Variants in CORO2B observed in about 807,000 individuals in gnomAD.
The protein encoded by CORO2B is coronin-2B.
A neutral mutation model predicts 58.8 loss-of-function variants in CORO2B; 26 were observed. The ratio of observed to expected loss-of-function variants is 0.44; its 90% CI spans 0.32 to 0.61. The LOEUF (loss-of-function observed/expected upper bound fraction) is 0.61. Among genes scored for constraint, CORO2B ranks in the 20% least tolerant of loss-of-function variants. CORO2B has a pLI of 0.04. For missense variants in CORO2B, 460 were observed against 645.1 expected (o/e 0.71, Z 3.11); for synonymous variants, 242 against 253.8 (o/e 0.95, Z 0.44).
At chr15:68,563,203 A>T in the CORO2B span, among the ~76,000 whole-genome samples, 33 of 151,738 alleles carry the variant, frequency 2.2e-4, no homozygotes, top group African/African-American at 8.0e-4. Flanking sequence ...TAGAGTAGAG[A>T]CTGGCCAGGC....
chr15:68,521,818 T>G, the CORO2B span, among the ~76,000 whole-genome samples: 2 of 151,604 alleles, frequency 1.3e-5, no homozygotes, highest in African/African-American at 4.8e-5. Flanking sequence ...AGTGGCTCAC[T>G]GCAGCCTCGA....
intron 1 of CORO2B, among the ~76,000 whole-genome samples, chr15:68,641,029 A>G (rs977704990): frequency 1.3e-5 from 2 of 152,166 alleles, no homozygotes; most frequent in Non-Finnish European, 2.9e-5. Context: ...ATCGATCAAC[A>G]GCAGCCCCTG....
At chr15:68,702,050 C>T (rs12906690) in intron 3 of CORO2B, among the ~76,000 whole-genome samples, 1 of 151,968 alleles carries the variant, frequency 6.6e-6, no homozygotes, top group South Asian at 2.1e-4. Flanking sequence ...TGAGACCAGC[C>T]TGGCCAACAT....
chr15:68,713,853 A>T, intron 5 of CORO2B, 72 bp from the exon 6 acceptor site: 1 of 998,002 alleles, frequency 1.0e-6, no homozygotes. Flanking sequence ...TCTTTTCGGG[A>T]CCACCATTCA....
chr15:68,666,963 T>C (rs1902212938), intron 2 of CORO2B, among the ~76,000 whole-genome samples: 1 of 152,052 alleles, frequency 6.6e-6, no homozygotes, highest in Non-Finnish European at 1.5e-5. Context: ...GGCTCTGGGC[T>C]CCTTCCTGGG....
At chr15:68,629,466 A>G (rs1167690955) in intron 1 of CORO2B, among the ~76,000 whole-genome samples, 1 of 152,330 alleles carries the variant, frequency 6.6e-6, no homozygotes, top group East Asian at 1.9e-4. Flanking sequence ...GTGAGGAGAG[A>G]GACTTTATCC....
intron 1 of CORO2B, among the ~76,000 whole-genome samples, chr15:68,619,801 A>C (rs1156778900): frequency 6.6e-6 from 1 of 152,120 alleles, no homozygotes; most frequent in Non-Finnish European, 1.5e-5. Flanking sequence ...CAGTGTGAAT[A>C]GTAGGACCAG....
rs563845846 is a variant in CORO2B, at chr15:68,690,507, T to A, written c.217-4633T>A. 2.6e-5 allele frequency among the ~76,000 whole-genome samples: 4 copies of A among 152,288 alleles called. No individual in the cohort carries two copies. In the South Asian group the frequency reaches 6.2e-4, roughly 24 times the overall value. On this transcript the variant is annotated intron_variant, in intron 2 of 11. Coordinates refer to ENST00000261861, the MANE Select transcript of CORO2B (RefSeq NM_006091.5). ...TGTCTCCCTTCTTACTACGCACACA[T>A]ACACACTTTCCTCGCCTCTGTCTTC...
At chr15:68,552,469 C>CGGGG in the CORO2B span, among the ~76,000 whole-genome samples, 1 of 8,382 alleles carries the variant, frequency 1.2e-4, no homozygotes. Context: ...TAGGAGGACG[C>CGGGG]GGGGGGGTGG....
chr15:68,613,278 TAGA>T (rs1900281495), intron 1 of CORO2B, among the ~76,000 whole-genome samples: 1 of 152,164 alleles, frequency 6.6e-6, no homozygotes. Flanking sequence ...GAATCCAGAA[TAGA>T]AGAACGGGAA....
chr15:68,692,105 C>T (rs1420997669), intron 2 of CORO2B, among the ~76,000 whole-genome samples: 2 of 152,310 alleles, frequency 1.3e-5, no homozygotes, highest in East Asian at 1.9e-4. Flanking sequence ...CAAGAACACT[C>T]GCTTTTGAGA....
intron 2 of CORO2B, among the ~76,000 whole-genome samples, chr15:68,654,649 A>G (rs1452079353): frequency 2.0e-5 from 3 of 152,356 alleles, no homozygotes; most frequent in Middle Eastern, 3.4e-3. Context: ...TTGTGAAATA[A>G]TAATAGTGCA....
intron 2 of CORO2B, 151 bp from the exon 3 acceptor site, chr15:68,694,989 A>C: frequency 1.6e-6 from 1 of 626,644 alleles, no homozygotes; most frequent in Non-Finnish European, 2.8e-6. Context: ...GACTTGGCCC[A>C]GCAGGGCCCA....
At chr15:68,707,913 G>C (rs992358486) in intron 3 of CORO2B, among the ~76,000 whole-genome samples, 1 of 151,096 alleles carries the variant, frequency 6.6e-6, no homozygotes, top group Admixed American at 6.6e-5. Flanking sequence ...GGGTATTCTG[G>C]GCCCCCTATA....
intron 2 of CORO2B, among the ~76,000 whole-genome samples, chr15:68,662,819 T>C (rs1212782495): frequency 6.6e-6 from 1 of 152,264 alleles, no homozygotes; most frequent in Non-Finnish European, 1.5e-5. Context: ...GTGTATGTTT[T>C]GATAAATTTC....
intron 1 of CORO2B, among the ~76,000 whole-genome samples, chr15:68,601,249 C>T (rs1899974076): frequency 6.6e-6 from 1 of 152,144 alleles, no homozygotes; most frequent in Non-Finnish European, 1.5e-5. Context: ...TGTGCCAGGC[C>T]CTGGGATGTA....
intron 1 of CORO2B, among the ~76,000 whole-genome samples, chr15:68,615,003 G>A (rs1900320481): frequency 6.6e-6 from 1 of 152,232 alleles, no homozygotes; most frequent in Non-Finnish European, 1.5e-5. Flanking sequence ...GAGAGGGTGG[G>A]ATGGTGGGGA....
At chr15:68,639,997 C>A (rs1362920231) in intron 1 of CORO2B, among the ~76,000 whole-genome samples, 3 of 152,194 alleles carry the variant, frequency 2.0e-5, no homozygotes, top group Non-Finnish European at 4.4e-5. Flanking sequence ...CCTTTGAGGT[C>A]TGGGCACCTC....
chr15:68,699,629 A>G (rs550363165), intron 3 of CORO2B, among the ~76,000 whole-genome samples: 46 of 152,280 alleles, frequency 3.0e-4, no homozygotes, highest in African/African-American at 1.1e-3. Context: ...CCTGAACCGC[A>G]TCTTACCCGG....
Sources: allele counts gnomAD v4.1 joint callset (sites outside exome capture counted in the v4.1 genomes callset), GRCh38; gene constraint gnomAD v4.1.1; transcripts MANE v1.5; gene names NCBI Gene and HGNC (gene_info 2026-07-23, HGNC 2026-07-21).